Variants in SLC44A5 observed in about 807,000 individuals in gnomAD.
SLC44A5 encodes choline transporter-like protein 5.
A neutral mutation model predicts 101.8 loss-of-function variants in SLC44A5; 57 were observed. The observed-to-expected ratio is 0.56, with a 90% CI of 0.45 to 0.70. The LOEUF is 0.70. Ranked by LOEUF, SLC44A5 falls within the 30% of genes least tolerant of loss-of-function variation. The pLI is 0.00. For synonymous variants in SLC44A5, 281 were observed against 290.9 expected (o/e 0.97, Z 0.35); for missense variants, 737 against 853.1 (o/e 0.86, Z 1.70).
intron 6 of SLC44A5, among the ~76,000 whole-genome samples, chr1:75,257,044 G>A (rs1384759575): frequency 6.6e-6 from 1 of 152,140 alleles, no homozygotes; most frequent in African/African-American, 2.4e-5. Flanking sequence ...AGAGAGAAGA[G>A]ATTGTCCCAG....
intron 4 of SLC44A5, among the ~76,000 whole-genome samples, chr1:75,330,140 C>T (rs1557669580): frequency 1.1e-5 from 1 of 90,210 alleles, no homozygotes. Context: ...CACACACACA[C>T]ATGCATATAC....
At chr1:75,647,259 G>T in the SLC44A5 span, among the ~76,000 whole-genome samples, 21 of 152,280 alleles carry the variant, frequency 1.4e-4, no homozygotes, top group Non-Finnish European at 2.6e-4. Flanking sequence ...ATGTGGTGTT[G>T]GGCCTGCAGG....
At chr1:75,536,318 G>A (rs557151090) in intron 2 of SLC44A5, among the ~76,000 whole-genome samples, 3 of 151,890 alleles carry the variant, frequency 2.0e-5, no homozygotes, top group African/African-American at 7.2e-5. Flanking sequence ...TGCCTGGCCC[G>A]GCCAGACGCG....
At chr1:75,388,942 A>G (rs1481751475) in intron 3 of SLC44A5, among the ~76,000 whole-genome samples, 1 of 152,064 alleles carries the variant, frequency 6.6e-6, no homozygotes, top group Non-Finnish European at 1.5e-5. Context: ...GTGTAACAAC[A>G]CCTATAGGCT....
At chr1:75,684,793 C>A in the SLC44A5 span, among the ~76,000 whole-genome samples, 1 of 152,114 alleles carries the variant, frequency 6.6e-6, no homozygotes, top group East Asian at 1.9e-4. Context: ...GTGCATGGTG[C>A]AAGCTGTCAG....
chr1:75,540,802 A>T (rs951393088), intron 2 of SLC44A5, among the ~76,000 whole-genome samples: 3 of 152,192 alleles, frequency 2.0e-5, no homozygotes, highest in Non-Finnish European at 2.9e-5. Flanking sequence ...GTAAGTAACT[A>T]CTTTTTCAAA....
chr1:75,623,186 A>G, the SLC44A5 span, among the ~76,000 whole-genome samples: 1 of 152,148 alleles, frequency 6.6e-6, no homozygotes, highest in African/African-American at 2.4e-5. Flanking sequence ...TAAATAGATA[A>G]TTACAAATTG....
intron 4 of SLC44A5, among the ~76,000 whole-genome samples, chr1:75,334,075 T>C (rs554369592): frequency 2.6e-4 from 40 of 152,190 alleles, no homozygotes; most frequent in Non-Finnish European, 5.4e-4. Context: ...AACAGCCCAG[T>C]TCCCCATTCA....
chr1:75,303,192 C>A (rs1337157568), intron 4 of SLC44A5, among the ~76,000 whole-genome samples: 1 of 152,082 alleles, frequency 6.6e-6, no homozygotes, highest in Non-Finnish European at 1.5e-5. Context: ...AAGAACAGAG[C>A]ACAAGGACAG....
intron 4 of SLC44A5, among the ~76,000 whole-genome samples, chr1:75,333,176 C>T (rs1557672916): frequency 6.6e-6 from 1 of 152,084 alleles, no homozygotes; most frequent in Non-Finnish European, 1.5e-5. Context: ...CATAGCACTT[C>T]CTTTGAAAAC....
intron 2 of SLC44A5, among the ~76,000 whole-genome samples, chr1:75,435,452 G>T (rs17096877): frequency 0.21 from 32,036 of 151,958 alleles, 3,495 homozygotes; most frequent in Non-Finnish European, 0.24. Context: ...TTCTAAGGTT[G>T]TTCATTCCAG....
chr1:75,556,376 T>C (rs1318261402), intron 1 of SLC44A5, among the ~76,000 whole-genome samples: 1 of 152,142 alleles, frequency 6.6e-6, no homozygotes, highest in African/African-American at 2.4e-5. Flanking sequence ...TATATTATGT[T>C]ATAGCTGCAC....
the SLC44A5 span, among the ~76,000 whole-genome samples, chr1:75,682,849 C>T: frequency 6.6e-6 from 1 of 152,096 alleles, no homozygotes; most frequent in Non-Finnish European, 1.5e-5. Context: ...TTTTCGCAAC[C>T]TACTCATCTG....
At chr1:75,639,726 T>C in the SLC44A5 span, among the ~76,000 whole-genome samples, 1 of 152,244 alleles carries the variant, frequency 6.6e-6, no homozygotes, top group Non-Finnish European at 1.5e-5. Context: ...GTTGGGAAAT[T>C]GTTTTCTATG....
At chr1:75,531,628 GT>G (rs1224074492) in intron 2 of SLC44A5, among the ~76,000 whole-genome samples, 1 of 152,144 alleles carries the variant, frequency 6.6e-6, no homozygotes. Context: ...GCTGGTCCGT[GT>G]CACACTTTGA....
the SLC44A5 span, among the ~76,000 whole-genome samples, chr1:75,649,488 G>A: frequency 6.6e-6 from 1 of 152,140 alleles, no homozygotes; most frequent in African/African-American, 2.4e-5. Context: ...TCAAGAAATG[G>A]AAAGGGAATG....
intron 1 of SLC44A5, among the ~76,000 whole-genome samples, chr1:75,550,226 T>C (rs888940487): frequency 6.6e-6 from 1 of 152,138 alleles, no homozygotes; most frequent in Non-Finnish European, 1.5e-5. Flanking sequence ...AAATATTATT[T>C]GGCCATAAAA....
intron 2 of SLC44A5, among the ~76,000 whole-genome samples, chr1:75,422,534 C>T (rs551763965): frequency 9.9e-5 from 15 of 152,208 alleles, no homozygotes; most frequent in Admixed American, 7.9e-4. Context: ...GGTAAATAAT[C>T]GGTATCCTGC....
chr1:75,427,290 T>C (rs1664369493), intron 2 of SLC44A5, among the ~76,000 whole-genome samples: 1 of 152,238 alleles, frequency 6.6e-6, no homozygotes, highest in African/African-American at 2.4e-5. Flanking sequence ...TAAAGTCAGA[T>C]TGCATTTTGA....
Sources: gnomAD v4.1 joint callset for allele counts (sites outside exome capture counted in the v4.1 genomes callset) on GRCh38, gnomAD v4.1.1 for gene constraint, MANE v1.5 for transcripts, NCBI Gene and HGNC (gene_info 2026-07-23, HGNC 2026-07-21) for gene names.